COP1: variants seen among roughly 807,000 people sequenced by gnomAD.
COP1 encodes the protein E3 ubiquitin-protein ligase COP1.
Under a neutral mutation model 101.3 loss-of-function variants are expected in COP1, and 24 were observed. That is an observed-to-expected ratio of 0.24 (90% confidence interval 0.17 to 0.33). The LOEUF is 0.33. COP1 is among the 10% of genes least tolerant of loss of function. The pLI is 1.00. For synonymous variants in COP1, 347 were observed against 341.9 expected, an observed-to-expected ratio of 1.01 and a Z score of -0.17; for missense variants, 663 against 906.2, an observed-to-expected ratio of 0.73 and a Z score of 3.45.
chr1:176,115,690 G>A (rs1382891521), intron 9 of COP1, among the ~76,000 whole-genome samples: 1 of 152,040 alleles, frequency 6.6e-6, no homozygotes, highest in Non-Finnish European at 1.5e-5. Flanking sequence ...AGGTTGCAGT[G>A]AGCCGAGATC....
At chr1:176,023,442 G>C (rs1305906681) in intron 15 of COP1, among the ~76,000 whole-genome samples, 1 of 152,164 alleles carries the variant, frequency 6.6e-6, no homozygotes, top group Non-Finnish European at 1.5e-5. Context: ...AAACAGGCCA[G>C]GCGTGGTGGC....
chr1:176,153,498 T>C (rs1158925961), intron 5 of COP1, among the ~76,000 whole-genome samples: 2 of 152,200 alleles, frequency 1.3e-5, no homozygotes, highest in African/African-American at 4.8e-5. Context: ...GCTGAGACTA[T>C]GGGATTTTCT....
intron 18 of COP1, among the ~76,000 whole-genome samples, chr1:175,949,793 A>T (rs1473427554): frequency 6.6e-6 from 1 of 152,224 alleles, no homozygotes; most frequent in Non-Finnish European, 1.5e-5. Context: ...TTTTGGGTCT[A>T]GTCACCTTTT....
rs1214036206 is a variant in COP1, at chr1:175,951,461, T to TATAA, written c.2134-4223_2134-4222insTTAT. On this transcript the variant is annotated intron_variant, in intron 18 of 19. Transcript: ENST00000367669. ...GAATATATATATATATATATATATA[T>TATAA]AAAAACTTCCATTTTTGGCCATAAC... Among the ~76,000 whole-genome samples, 425 of 54,928 alleles carry TATAA rather than the reference T, an allele frequency of 7.7e-3. 12 individuals carry two copies. Among genetic ancestry groups the TATAA allele is most frequent in the African/African-American group, 0.02 (405 of 20,270 alleles). 36.0% of individuals were successfully genotyped at this position (54,928 alleles called of 152,430 possible).
chr1:175,970,942 T>C (rs1225816890), intron 18 of COP1, among the ~76,000 whole-genome samples: 1 of 152,016 alleles, frequency 6.6e-6, no homozygotes, highest in Non-Finnish European at 1.5e-5. Flanking sequence ...TGGTAGTGCA[T>C]AAAGGCCGAC....
Position 176,050,756 on chromosome 1 carries a change from C to A in COP1, c.1278-4432G>T, listed in dbSNP as rs547561498. ...TGAGATGTGTCAAGCATTGTTTTAA[C>A]CACCTTACATAAATTATACAAGCTT... On this transcript the variant is annotated intron_variant, in intron 11 of 19. Coordinates refer to ENST00000367669, the MANE Select transcript of COP1 (RefSeq NM_022457.7). Among the ~76,000 whole-genome samples the A allele has an allele frequency of 5.5e-4, 84 of 152,288 alleles. 2 individuals carry two copies. The highest frequency in any genetic ancestry group is 1.8e-3 in the African/African-American group (76 of 41,568).
At chr1:176,083,351 C>A (rs1365660043) in intron 10 of COP1, among the ~76,000 whole-genome samples, 1 of 152,182 alleles carries the variant, frequency 6.6e-6, no homozygotes, top group South Asian at 2.1e-4. Flanking sequence ...TCTAGGCTAA[C>A]TGGATTTCTG....
rs752699432 is a variant in COP1, at chr1:176,206,731, G to A, written c.248C>T (p.Ser83Phe). ...AVSGSGGGAV[S>F]TGLSRHSCAA... ...GCAGCTGTGCCGGGACAGGCCCGTG[G>A]ACACCGCCCCGCCGCCGCTACCCGA... is the stretch of plus-strand genomic sequence containing the variant. The change falls in exon 1 of 20, where the codon TCC (serine) becomes TTC (phenylalanine). Residue 83 changes from serine (S) to phenylalanine (F), a missense_variant. Physicochemically the swap from Ser to Phe is radical, Grantham distance 155 (BLOSUM62 -2). Around this residue, in one of 4 missense-constraint regions of COP1, gnomAD observed 204 missense variants for 203.6 expected, o/e 1.00. Transcript: ENST00000367669. The A allele has an allele frequency of 2.6e-5, 40 of 1,566,770 alleles. No individual in the cohort carries two copies. Among genetic ancestry groups the A allele is most frequent in the Non-Finnish European group, 3.4e-5 (40 of 1,164,296 alleles).
At chr1:176,057,428 C>T (rs1340363432) in intron 11 of COP1, among the ~76,000 whole-genome samples, 1 of 152,204 alleles carries the variant, frequency 6.6e-6, no homozygotes, top group Admixed American at 6.5e-5. Context: ...TCACTGCAAC[C>T]CCCCTGCCTG....
rs553948441 is a variant in COP1 at position 175,961,996 on chromosome 1, G to T, written c.2134-14757C>A. Among the ~76,000 whole-genome samples, 10 of 152,058 alleles carry T rather than the reference G, an allele frequency of 6.6e-5. No homozygotes were observed. The South Asian group carries it at 2.1e-3, about 32-fold the overall frequency. On this transcript the variant is annotated intron_variant, in intron 18 of 19. Coordinates refer to ENST00000367669, the MANE Select transcript of COP1 (RefSeq NM_022457.7). ...TTAACGAGATGAAAATATGAGGTGG[G>T]GTAAGCATGTAAACTGTAGCATACC...
chr1:176,206,990 C>T lies in COP1; in HGVS notation c.-12G>A. On this transcript the variant is annotated 5_prime_UTR_variant, in exon 1 of 20. Coordinates refer to ENST00000367669, the MANE Select transcript of COP1 (RefSeq NM_022457.7). ...CGGCTACCAGACATCGTGACTCCCT[C>T]CCCTCCAGCCGGGCGCTCGGAGGAG... 1.5e-6 allele frequency: 2 copies of T among 1,367,324 alleles called. No individual in the cohort carries two copies. Among genetic ancestry groups the T allele is most frequent in the Non-Finnish European group, 1.9e-6 (2 of 1,063,718 alleles). 84.7% of individuals were successfully genotyped at this position (1,367,324 alleles called of 1,614,324 possible).
chr1:175,959,001 C>A (rs937510582), intron 18 of COP1, among the ~76,000 whole-genome samples: 6 of 151,256 alleles, frequency 4.0e-5, no homozygotes, highest in South Asian at 2.1e-4. Context: ...CTGACATGGA[C>A]AATGCAAAAA....
At chr1:176,006,264 C>A (rs1487351952) in intron 15 of COP1, among the ~76,000 whole-genome samples, 1 of 152,056 alleles carries the variant, frequency 6.6e-6, no homozygotes, top group Non-Finnish European at 1.5e-5. Flanking sequence ...GATGGGTTTC[C>A]TGAATACAGC....
At chr1:176,036,851 T>C (rs1669638478) in intron 14 of COP1, among the ~76,000 whole-genome samples, 1 of 152,236 alleles carries the variant, frequency 6.6e-6, no homozygotes, top group Non-Finnish European at 1.5e-5. Flanking sequence ...TTTCAATTTA[T>C]GATGGACTTA....
chr1:176,127,091 C>A (rs1688116254), intron 8 of COP1, among the ~76,000 whole-genome samples: 1 of 151,984 alleles, frequency 6.6e-6, no homozygotes, highest in Non-Finnish European at 1.5e-5. Flanking sequence ...AAATTTTTAT[C>A]TTTAATTGAC....
chr1:176,181,954 G>A (rs976559542), intron 2 of COP1, among the ~76,000 whole-genome samples: 2 of 152,162 alleles, frequency 1.3e-5, no homozygotes, highest in African/African-American at 2.4e-5. Flanking sequence ...TTGAGAGCAG[G>A]AGGTAAAGCT....
intron 15 of COP1, among the ~76,000 whole-genome samples, chr1:175,994,961 A>C (rs561106473): frequency 1.1e-4 from 17 of 152,074 alleles, no homozygotes; most frequent in African/African-American, 1.7e-4. Flanking sequence ...AGCACCACAC[A>C]ACACCTATTC....
At position 176,043,023 on chromosome 1, in the gene COP1, C is replaced by T. The variant is rs1014300862; in HGVS notation, c.1612+163G>A. 3.9e-5 allele frequency among the ~76,000 whole-genome samples: 6 copies of T among 152,090 alleles called. No homozygotes were observed. The East Asian group carries it at 5.8e-4, about 15-fold the overall frequency. On this transcript the variant is annotated intron_variant, in intron 14 of 19. Coordinates refer to ENST00000367669, the MANE Select transcript of COP1 (RefSeq NM_022457.7). ...CAGCCTGGGTGACAGAGTGAGATTC[C>T]ATCTCAAAAAACAAAACAAAACAAC... is the stretch of plus-strand genomic sequence containing the variant.
chr1:176,139,793 G>C (rs1690387420), intron 6 of COP1, among the ~76,000 whole-genome samples: 1 of 152,092 alleles, frequency 6.6e-6, no homozygotes, highest in Non-Finnish European at 1.5e-5. Flanking sequence ...ACAGACACAG[G>C]GAACTACTGG....
Sources: gnomAD v4.1 joint callset for allele counts (sites outside exome capture counted in the v4.1 genomes callset) on GRCh38, gnomAD v4.1.1 for gene constraint, gnomAD v4.1.1 regional missense constraint, MANE v1.5 for transcripts, NCBI Gene and HGNC (gene_info 2026-07-23, HGNC 2026-07-21) for gene names.